The following ZNF48 variants were observed in gnomAD, a reference collection of about 807,000 sequenced individuals.
ZNF48 encodes the protein zinc finger protein 48.
ZNF48 carries 20 observed loss-of-function variants against 40.0 expected under a neutral mutation model. The ratio of observed to expected loss-of-function variants is 0.50; its 90% CI spans 0.35 to 0.73. ZNF48 has a LOEUF of 0.73. Among genes scored for constraint, ZNF48 ranks in the 30% least tolerant of loss-of-function variants. The pLI, the probability that ZNF48 is intolerant of heterozygous loss-of-function variation, is 0.01. For missense variants in ZNF48, 726 were observed against 851.9 expected, an observed-to-expected ratio of 0.85 and a Z score of 1.84; for synonymous variants, 298 against 329.7, an observed-to-expected ratio of 0.90 and a Z score of 1.04.
At chr16:30,395,135 A>G (rs1393933107), upstream of ZNF48, 1 of 444,146 alleles carries the variant, frequency 2.3e-6, no homozygotes, top group Non-Finnish European at 4.6e-6. The surrounding 1 kb of genome is among the most constrained non-coding windows in gnomAD (Gnocchi z 5.9). Context: ...CCCAGGTCGG[A>G]GTGGCTGGCG....
rs1050731735 is a variant in ZNF48, at chr16:30,397,982, G to A, written c.732G>A (p.Gly244=). 6.2e-6 allele frequency: 10 copies of A among 1,613,732 alleles called. No individual in the cohort carries two copies. In the African/African-American group the frequency reaches 9.3e-5, roughly 15 times the overall value. The change falls in exon 3 of 3, where the codon GGG becomes GGA. Residue 244 remains glycine, a synonymous_variant. Coordinates refer to ENST00000613509, the MANE Select transcript of ZNF48 (RefSeq NM_001214909.2). The surrounding 1 kb of genome is among the most constrained non-coding windows in gnomAD (Gnocchi z 4.1). ...TCAAGCACCAGCGGACACACCGGGG[G>A]GAGCAGCCCCCCCGACCAGTGGTGC... is the stretch of plus-strand genomic sequence containing the variant. ...ARIKHQRTHR[G]EQPPRPVVPR...
chr16:30,382,923 C>G lies in ZNF48; in HGVS notation c.-16+4513C>G, dbSNP rs1038504986. 2.0e-5 allele frequency: 16 copies of G among 799,492 alleles called. No homozygotes were observed. Among genetic ancestry groups the G allele is most frequent in the African/African-American group, 5.1e-5 (3 of 59,026 alleles). 49.5% of individuals were successfully genotyped at this position (799,492 alleles called of 1,614,324 possible). A position where few individuals can be genotyped will look rare whatever the true frequency, so the allele number is the denominator to read the frequency against. On this transcript the variant is annotated intron_variant, in intron 1 of 2. Coordinates refer to the ZNF48 transcript ENST00000528032. This position sits in a 1 kb window ranked among gnomAD's most constrained non-coding sequence, Gnocchi z 4.8. Reference sequence around the variant, plus strand: ...GCAAGGTGGCTCTCGCCTGTAATCTCAGCACTTTGGGAGGCGGAGGAGGGA... The same window carrying G: ...GCAAGGTGGCTCTCGCCTGTAATCTGAGCACTTTGGGAGGCGGAGGAGGGA...
At position 30,398,904 on chromosome 16, in the gene ZNF48, T is replaced by A. The variant is rs768017061; in HGVS notation, c.1654T>A (p.Phe552Ile). 6.2e-7 allele frequency: 1 copy of A among 1,613,040 alleles called. No homozygotes were observed. The highest frequency in any genetic ancestry group is 8.5e-7 in the Non-Finnish European group (1 of 1,179,686). Residue 552 changes from phenylalanine (F) to isoleucine (I), a missense_variant, in exon 3 of 3, where the codon TTC becomes ATC. Around this residue, in one of 5 missense-constraint regions of ZNF48, gnomAD observed 166 missense variants for 163.6 expected, o/e 1.01. Coordinates refer to ENST00000613509, the MANE Select transcript of ZNF48 (RefSeq NM_001214909.2). This position sits in a 1 kb window ranked among gnomAD's most constrained non-coding sequence, Gnocchi z 6.6. ...PHVCGFCGKE[F>I]PRSSDLVKHR... ...CGTGTGTGGCTTCTGTGGGAAGGAG[T>A]TCCCCCGGAGCTCAGATCTGGTCAA...
Position 30,397,220 on chromosome 16 carries a change from T to C in ZNF48, c.80-110T>C. ...CCAGAGGTTGAGAGGACAGAGAGAT[T>C]GGGGTTCCTGTGACCACAGATTGTC... On this transcript the variant is annotated intron_variant, in intron 2 of 2. Coordinates refer to ENST00000613509, the MANE Select transcript of ZNF48 (RefSeq NM_001214909.2). This position sits in a 1 kb window ranked among gnomAD's most constrained non-coding sequence, Gnocchi z 4.1. 1.0e-6 allele frequency: 1 copy of C among 963,036 alleles called. No individual in the cohort carries two copies. Among genetic ancestry groups the C allele is most frequent in the Non-Finnish European group, 1.6e-6 (1 of 643,286 alleles). 59.7% of individuals were successfully genotyped at this position (963,036 alleles called of 1,614,324 possible). A position where few individuals can be genotyped will look rare whatever the true frequency, so the allele number is the denominator to read the frequency against.
intron 1 of ZNF48, chr16:30,380,864 T>G: frequency 6.1e-6 from 3 of 492,758 alleles, no homozygotes; most frequent in Non-Finnish European, 1.1e-5. Context: ...CAGAGGGAAG[T>G]CACTATGTTC....
In ZNF48 at chr16:30,399,175, A is replaced by G. The variant is rs2151119730; in HGVS notation, c.*68A>G. On this transcript the variant is annotated 3_prime_UTR_variant, in exon 3 of 3. Transcript: ENST00000613509. ...GGCTCTGCCGCTTAGCAGAGAAGAAAGGGCCTGGGAGGTGGTGGGAGGGAG... is the reference window on the plus strand; with the variant it reads ...GGCTCTGCCGCTTAGCAGAGAAGAAGGGGCCTGGGAGGTGGTGGGAGGGAG... 7.1e-7 allele frequency: 1 copy of G among 1,414,532 alleles called. No homozygotes were observed. Among genetic ancestry groups the G allele is most frequent in the Non-Finnish European group, 9.5e-7 (1 of 1,057,478 alleles). 87.6% of individuals were successfully genotyped at this position (1,414,532 alleles called of 1,614,324 possible). A position where few individuals can be genotyped will look rare whatever the true frequency, so the allele number is the denominator to read the frequency against.
Position 30,382,642 on chromosome 16 carries a change from T to G in ZNF48, c.-16+4232T>G, listed in dbSNP as rs1431912462. ...GAAGAGGCAGCTGAGATGCTCAAAC[T>G]GGCCCAGTCCCAGAGAGGTGGGGAA... is the stretch of plus-strand genomic sequence containing the variant. On this transcript the variant is annotated intron_variant, in intron 1 of 2. Coordinates refer to the ZNF48 transcript ENST00000528032. This position sits in a 1 kb window ranked among gnomAD's most constrained non-coding sequence, Gnocchi z 4.8. 6.5e-7 allele frequency: 1 copy of G among 1,541,418 alleles called. No individual in the cohort carries two copies. Among genetic ancestry groups the G allele is most frequent in the East Asian group, 2.4e-5 (1 of 40,950 alleles).
rs753898333 is a variant in ZNF48 at position 30,398,028 on chromosome 16, G to A, written c.778G>A (p.Ala260Thr). 1.9e-6 allele frequency: 3 copies of A among 1,612,224 alleles called. No individual in the cohort carries two copies. In the East Asian group the frequency reaches 6.7e-5, roughly 36 times the overall value. Residue 260 changes from alanine to threonine, a missense_variant, in exon 3 of 3, where the codon GCA becomes ACA. Coordinates refer to ENST00000613509, the MANE Select transcript of ZNF48 (RefSeq NM_001214909.2). This position sits in a 1 kb window ranked among gnomAD's most constrained non-coding sequence, Gnocchi z 6.6. ...GGTGCCCCGACGGCAGCCATCTCGG[G>A]CAGCCACGGCAGCTACCCAGGGACC... ...PVVPRRQPSR[A>T]ATAATQGPKA...
chr16:30,395,569 G>A lies in ZNF48; in HGVS notation c.-25G>A. The stretch of plus-strand genomic sequence containing the variant: ...GCGCCGGGGTGGCGGAGCCGGAGGC[G>A]GCCGGCAAGGTGAGAGCGGCGGCTG... On this transcript the variant is annotated 5_prime_UTR_variant, in exon 1 of 3. Coordinates refer to ENST00000613509, the MANE Select transcript of ZNF48 (RefSeq NM_001214909.2). The surrounding 1 kb of genome is among the most constrained non-coding windows in gnomAD (Gnocchi z 5.9). The A allele has an allele frequency of 4.3e-6, 1 of 231,312 alleles. No individual in the cohort carries two copies. Among genetic ancestry groups the A allele is most frequent in the Non-Finnish European group, 8.0e-6 (1 of 124,956 alleles). The allele number at this position is 231,312 out of a possible 1,614,324, so 14.3% of individuals were successfully genotyped here.
rs775401845 is a variant in ZNF48 at position 30,382,544 on chromosome 16, A to T, written c.-16+4134A>T. 1.8e-5 allele frequency: 29 copies of T among 1,592,236 alleles called. No homozygotes were observed. The South Asian group carries it at 3.0e-4, about 16-fold the overall frequency. ...ACTCACCATGACTCCGCCAGCCATC[A>T]CTGCACCTGCCGTCTCTCCCCACTT... On this transcript the variant is annotated intron_variant, in intron 1 of 2. Coordinates refer to the ZNF48 transcript ENST00000528032. This position sits in a 1 kb window ranked among gnomAD's most constrained non-coding sequence, Gnocchi z 4.8.
chr16:30,388,468 C>G (rs1427901332), intron 1 of ZNF48, among the ~76,000 whole-genome samples: 3 of 152,174 alleles, frequency 2.0e-5, no homozygotes, highest in African/African-American at 7.2e-5. Context: ...ATCCTCCCTT[C>G]TTGGTCTCCC....
At position 30,397,178 on chromosome 16, in the gene ZNF48, C is replaced by T; in HGVS notation, c.80-152C>T. On this transcript the variant is annotated intron_variant, in intron 2 of 2. Coordinates refer to ENST00000613509, the MANE Select transcript of ZNF48 (RefSeq NM_001214909.2). The surrounding 1 kb of genome is among the most constrained non-coding windows in gnomAD (Gnocchi z 4.1). Reference sequence around the variant, plus strand: ...GTAAAAAGAAGTTTTTATTGAGAGGCACAGATAGTAAGTGCACCAGAGGTT... The same window carrying T: ...GTAAAAAGAAGTTTTTATTGAGAGGTACAGATAGTAAGTGCACCAGAGGTT... 1.5e-6 allele frequency: 1 copy of T among 685,886 alleles called. No individual in the cohort carries two copies. Among genetic ancestry groups the T allele is most frequent in the Non-Finnish European group, 2.4e-6 (1 of 409,074 alleles). 42.5% of individuals were successfully genotyped at this position (685,886 alleles called of 1,614,324 possible).
intron 1 of ZNF48, among the ~76,000 whole-genome samples, chr16:30,388,720 C>A (rs2049919645): frequency 6.6e-6 from 1 of 151,618 alleles, no homozygotes; most frequent in Non-Finnish European, 1.5e-5. Context: ...GACACCCCAT[C>A]TCTACTAAAA....
At position 30,398,771 on chromosome 16, in the gene ZNF48, G is replaced by GCCA. The variant is rs147795653; in HGVS notation, c.1531_1533dup (p.Pro511dup). On this transcript the variant is annotated inframe_insertion, in exon 3 of 3. Coordinates refer to ENST00000613509, the MANE Select transcript of ZNF48 (RefSeq NM_001214909.2). The surrounding 1 kb of genome is among the most constrained non-coding windows in gnomAD (Gnocchi z 6.6). ...GCACCCACCGTGGTGAACGGGCCCG[G>GCCA]CCACCACCACCATCCACTCTGCTGC... 2 of 1,613,424 alleles carry GCCA rather than the reference G, an allele frequency of 1.2e-6. No homozygotes were observed. Among genetic ancestry groups the GCCA allele is most frequent in the African/African-American group, 2.7e-5 (2 of 74,892 alleles).
chr16:30,389,459 G>C (rs1225103953), intron 1 of ZNF48, among the ~76,000 whole-genome samples: 2 of 151,398 alleles, frequency 1.3e-5, no homozygotes, highest in East Asian at 3.9e-4. Flanking sequence ...TGTAATCCCA[G>C]CTACTTGGGA....
At chr16:30,384,619 G>A (rs567456386) in intron 1 of ZNF48, among the ~76,000 whole-genome samples, 1 of 152,164 alleles carries the variant, frequency 6.6e-6, no homozygotes, top group African/African-American at 2.4e-5. Flanking sequence ...GCTCATGCCT[G>A]TAATTCCAGC....
At chr16:30,390,604 T>G (rs1194337872), upstream of ZNF48, among the ~76,000 whole-genome samples, 2 of 7,812 alleles carry the variant, frequency 2.6e-4, no homozygotes, top group Non-Finnish European at 4.2e-4. Flanking sequence ...GAGACGGGTT[T>G]TTTTTTTTTT....
In ZNF48 at chr16:30,382,099, C is replaced by T. The variant is rs1370219770; in HGVS notation, c.-16+3689C>T. On this transcript the variant is annotated intron_variant, in intron 1 of 2. Coordinates refer to the ZNF48 transcript ENST00000528032. The surrounding 1 kb of genome is among the most constrained non-coding windows in gnomAD (Gnocchi z 4.8). ...AGGGTGGGGAGGGTCTTACCACTGG[C>T]CTCTGGCACCTGGCGATCCTCATAG... 1.9e-6 allele frequency: 3 copies of T among 1,578,912 alleles called. No individual in the cohort carries two copies. The African/African-American group carries it at 4.1e-5, about 21-fold the overall frequency.
chr16:30,384,773 G>C (rs1276929345), intron 1 of ZNF48, among the ~76,000 whole-genome samples: 1 of 151,392 alleles, frequency 6.6e-6, no homozygotes, highest in Non-Finnish European at 1.5e-5. Context: ...AGCTACTAGG[G>C]AGGCTGAGGC....
Sources: gnomAD v4.1 joint callset for allele counts (sites outside exome capture counted in the v4.1 genomes callset) on GRCh38, gnomAD v4.1.1 for gene constraint, gnomAD v4.1.1 regional missense constraint, Gnocchi (gnomAD v3.1) non-coding constraint, MANE v1.5 for transcripts, NCBI Gene and HGNC (gene_info 2026-07-23, HGNC 2026-07-21) for gene names.